The following SLC16A14 variants were observed in gnomAD, a reference collection of about 807,000 sequenced individuals.
SLC16A14 encodes monocarboxylate transporter 14.
Under a neutral mutation model 35.8 loss-of-function variants are expected in SLC16A14, and 14 were observed. The ratio of observed to expected loss-of-function variants is 0.39; its 90% CI spans 0.26 to 0.61. The LOEUF is 0.61. Among genes scored for constraint, SLC16A14 ranks in the 20% least tolerant of loss-of-function variants. SLC16A14 has a pLI of 0.51. For missense variants in SLC16A14, 533 were observed against 655.0 expected (o/e 0.81, Z 2.03); for synonymous variants, 248 against 258.9 (o/e 0.96, Z 0.40).
chr2:230,067,090 G>C (rs966908639), intron 1 of SLC16A14: 5 of 164,030 alleles, frequency 3.0e-5, no homozygotes, highest in African/African-American at 1.2e-4. Flanking sequence ...AGGTGAGTGC[G>C]GGCTTCACCT....
At position 230,038,963 on chromosome 2, in the gene SLC16A14, G is replaced by A. The variant is rs2106239566; in HGVS notation, c.1382-1432C>T. On this transcript the variant is annotated intron_variant, in intron 4 of 4. Transcript: ENST00000295190. The surrounding 1 kb of genome is among the most constrained non-coding windows in gnomAD (Gnocchi z 4.4). ...TTATGATCAAACATAGTATTCCGTGGCCACTTTTCAGAAACATCTTTAAAA... is the reference window on the plus strand; with the variant it reads ...TTATGATCAAACATAGTATTCCGTGACCACTTTTCAGAAACATCTTTAAAA... Among the ~76,000 whole-genome samples the A allele has an allele frequency of 6.6e-6, 1 of 152,068 alleles. No individual in the cohort carries two copies. The highest frequency in any genetic ancestry group is 2.1e-4 in the South Asian group (1 of 4,820).
chr2:230,046,853 A>G lies in SLC16A14; in HGVS notation c.404-131T>C, dbSNP rs2077613006. 9.1e-7 allele frequency: 1 copy of G among 1,094,570 alleles called. No homozygotes were observed. The highest frequency in any genetic ancestry group is 1.2e-6 in the Non-Finnish European group (1 of 803,234). The allele number at this position is 1,094,570 out of a possible 1,614,324, so 67.8% of individuals were successfully genotyped here. A position where few individuals can be genotyped will look rare whatever the true frequency, so the allele number is the denominator to read the frequency against. On this transcript the variant is annotated intron_variant, in intron 3 of 4. Transcript: ENST00000295190. The surrounding 1 kb of genome is among the most constrained non-coding windows in gnomAD (Gnocchi z 5.0). Reference sequence around the variant, plus strand: ...TGCTTTTTATTTCTAACAAAGCAATAACACTGATTATTTAAAAAGCAGCTC... The same window carrying G: ...TGCTTTTTATTTCTAACAAAGCAATGACACTGATTATTTAAAAAGCAGCTC...
At chr2:230,055,234 A>C (rs965057068) in intron 2 of SLC16A14, among the ~76,000 whole-genome samples, 3 of 151,840 alleles carry the variant, frequency 2.0e-5, no homozygotes, top group African/African-American at 7.3e-5. Context: ...GATCATGTAC[A>C]TTAACGTGCA....
intron 1 of SLC16A14, among the ~76,000 whole-genome samples, chr2:230,067,476 C>A (rs1221046652): frequency 1.3e-5 from 2 of 151,986 alleles, no homozygotes; most frequent in Non-Finnish European, 2.9e-5. Flanking sequence ...CCCAGGCCTG[C>A]AGGATCCCAA....
In SLC16A14 at chr2:230,045,833, G is replaced by A; in HGVS notation, c.1293C>T (p.Asp431=). ...YFSLMPVVTE[D]LVGIEHLANA... ...TGGCCAGGTGTTCAATGCCAACCAA[G>A]TCTTCAGTCACTACGGGCATTAGGG... is the stretch of plus-strand genomic sequence containing the variant. Residue 431 remains aspartate (D), a synonymous_variant, in exon 4 of 5, where the codon GAC becomes GAT. Coordinates refer to ENST00000295190, the MANE Select transcript of SLC16A14 (RefSeq NM_152527.5). 2.5e-6 allele frequency: 4 copies of A among 1,614,196 alleles called. No individual in the cohort carries two copies. The highest frequency in any genetic ancestry group is 3.4e-6 in the Non-Finnish European group (4 of 1,180,050).
chr2:230,068,524 G>T lies in SLC16A14; in HGVS notation c.-15+31C>A, dbSNP rs1317678685. 2 of 152,652 alleles carry T rather than the reference G, an allele frequency of 1.3e-5. No homozygotes were observed. Among genetic ancestry groups the T allele is most frequent in the African/African-American group, 4.8e-5 (2 of 41,416 alleles). The allele number at this position is 152,652 out of a possible 1,614,324, so 9.5% of individuals were successfully genotyped here. On this transcript the variant is annotated intron_variant, in intron 1 of 4. Coordinates refer to ENST00000295190, the MANE Select transcript of SLC16A14 (RefSeq NM_152527.5). The surrounding 1 kb of genome is among the most constrained non-coding windows in gnomAD (Gnocchi z 5.1). ...CCCCCGGCGTCGCTCCATTCCCCAGGCCCGCGGCGCGCGCGGCCTCGGATA... is the reference window on the plus strand; with the variant it reads ...CCCCCGGCGTCGCTCCATTCCCCAGTCCCGCGGCGCGCGCGGCCTCGGATA...
intron 2 of SLC16A14, among the ~76,000 whole-genome samples, chr2:230,053,998 A>G (rs1159142868): frequency 6.6e-6 from 1 of 151,710 alleles, no homozygotes; most frequent in African/African-American, 2.4e-5. Context: ...AAATCAATGA[A>G]CTGTTTGCCT....
rs1452545823 is a variant in SLC16A14, at chr2:230,068,542, C to G, written c.-15+13G>C. 3 of 152,798 alleles carry G rather than the reference C, an allele frequency of 2.0e-5. No homozygotes were observed. Among genetic ancestry groups the G allele is most frequent in the Non-Finnish European group, 2.9e-5 (2 of 68,168 alleles). 9.5% of individuals were successfully genotyped at this position (152,798 alleles called of 1,614,324 possible). A position where few individuals can be genotyped will look rare whatever the true frequency, so the allele number is the denominator to read the frequency against. On this transcript the variant is annotated intron_variant, in intron 1 of 4. Transcript: ENST00000295190. This position sits in a 1 kb window ranked among gnomAD's most constrained non-coding sequence, Gnocchi z 5.1. The stretch of plus-strand genomic sequence containing the variant: ...TCCCCAGGCCCGCGGCGCGCGCGGC[C>G]TCGGATACTCACCGCCCGAGGCCCG...
In SLC16A14 at chr2:230,059,345, G is replaced by A. The variant is rs760322266; in HGVS notation, c.8C>T (p.Thr3Ile). Reference protein sequence around the residue: MYTSHEDIGYDFE... With the variant: MYISHEDIGYDFE... Reference sequence around the variant, plus strand: ...ATCATACCCAATATCTTCATGACTGGTATACATTTTCCAAGATTTTTCTGA... The same window carrying A: ...ATCATACCCAATATCTTCATGACTGATATACATTTTCCAAGATTTTTCTGA... The change falls in exon 2 of 5, where the codon ACC (threonine) becomes ATC (isoleucine). Residue 3 changes from threonine (T) to isoleucine (I), a missense_variant. Physicochemically the swap from Thr to Ile is moderately conservative, Grantham distance 89. Transcript: ENST00000295190. The A allele has an allele frequency of 1.3e-6, 2 of 1,559,222 alleles. No individual in the cohort carries two copies. The highest frequency in any genetic ancestry group is 2.4e-5 in the South Asian group (2 of 84,014).
chr2:230,049,051 C>CA (rs2077634170), intron 3 of SLC16A14, among the ~76,000 whole-genome samples: 1 of 83,666 alleles, frequency 1.2e-5, no homozygotes, highest in African/African-American at 4.5e-5. Flanking sequence ...ACACAGGAGG[C>CA]TTTATTATTA....
Position 230,035,540 on chromosome 2 carries a change from A to G in SLC16A14, c.*1840T>C, listed in dbSNP as rs1051970192. On this transcript the variant is annotated 3_prime_UTR_variant, in exon 5 of 5. Coordinates refer to ENST00000295190, the MANE Select transcript of SLC16A14 (RefSeq NM_152527.5). Reference sequence around the variant, plus strand: ...TGGTAAATTACACAGAGAGAGATAGAGGAGGGAGCATTGCCTCAGCTTTAA... The same window carrying G: ...TGGTAAATTACACAGAGAGAGATAGGGGAGGGAGCATTGCCTCAGCTTTAA... 5.2e-5 allele frequency: 8 copies of G among 152,604 alleles called. No homozygotes were observed. The highest frequency in any genetic ancestry group is 8.8e-5 in the Non-Finnish European group (6 of 68,036). The allele number at this position is 152,604 out of a possible 1,614,324, so 9.5% of individuals were successfully genotyped here. A position where few individuals can be genotyped will look rare whatever the true frequency, so the allele number is the denominator to read the frequency against.
chr2:230,044,206 G>A (rs2077581970), intron 4 of SLC16A14, among the ~76,000 whole-genome samples: 1 of 151,652 alleles, frequency 6.6e-6, no homozygotes, highest in Admixed American at 6.6e-5. Flanking sequence ...GGGCATGGTG[G>A]CTCATGCCTG....
intron 2 of SLC16A14, 127 bp from the exon 3 acceptor site, chr2:230,050,031 T>A: frequency 9.4e-7 from 1 of 1,060,404 alleles, no homozygotes; most frequent in Non-Finnish European, 1.3e-6. Context: ...AAAGCCCCCA[T>A]TGCTTTATAT....
chr2:230,064,320 G>A (rs983950030), intron 1 of SLC16A14, among the ~76,000 whole-genome samples: 1 of 150,186 alleles, frequency 6.7e-6, no homozygotes, highest in African/African-American at 2.4e-5. Context: ...GTGTATGTGT[G>A]TGTGTGTGTG....
At chr2:230,045,592 G>T in intron 4 of SLC16A14, 153 bp downstream of exon 4, 4 of 858,824 alleles carry the variant, frequency 4.7e-6, no homozygotes, top group Non-Finnish European at 7.3e-6. Flanking sequence ...GCTTTAACTT[G>T]CTAAAATGTA....
rs2077823735 is a variant in SLC16A14 at position 230,068,578 on chromosome 2, G to C, written c.-38C>G. The C allele has an allele frequency of 6.5e-6, 1 of 152,932 alleles. No homozygotes were observed. Among genetic ancestry groups the C allele is most frequent in the Non-Finnish European group, 1.5e-5 (1 of 68,208 alleles). The allele number at this position is 152,932 out of a possible 1,614,324, so 9.5% of individuals were successfully genotyped here. A position where few individuals can be genotyped will look rare whatever the true frequency, so the allele number is the denominator to read the frequency against. ...ACCGCCCGAGGCCCGCTGGGCTGCG[G>C]CCTCACTCGGCTCCACGCCCGGATC... On this transcript the variant is annotated 5_prime_UTR_variant, in exon 1 of 5. Coordinates refer to ENST00000295190, the MANE Select transcript of SLC16A14 (RefSeq NM_152527.5). This position sits in a 1 kb window ranked among gnomAD's most constrained non-coding sequence, Gnocchi z 5.1.
intron 2 of SLC16A14, among the ~76,000 whole-genome samples, chr2:230,050,994 A>T (rs755187120): frequency 2.0e-5 from 3 of 151,808 alleles, no homozygotes; most frequent in Admixed American, 1.3e-4. Context: ...CTTCATACAG[A>T]CTCCCATCCC....
intron 1 of SLC16A14, among the ~76,000 whole-genome samples, chr2:230,060,391 T>A (rs2077741950): frequency 6.6e-6 from 1 of 152,210 alleles, no homozygotes. Context: ...TCACCCAGGC[T>A]GGAGTGCAGT....
At chr2:230,044,714 GTGTGTGTGTGTGTGTGTGTGTGTA>G (rs1277681817) in intron 4 of SLC16A14, among the ~76,000 whole-genome samples, 41 of 105,350 alleles carry the variant, frequency 3.9e-4, no homozygotes, top group African/African-American at 1.4e-3. Flanking sequence ...TTGTGTGTGT[GTGTGTGTGTGTGTGTGTGTGTGTA>G]TGTGTGTGTG....
Sources: allele counts gnomAD v4.1 joint callset (sites outside exome capture counted in the v4.1 genomes callset), GRCh38; gene constraint gnomAD v4.1.1; non-coding constraint Gnocchi (gnomAD v3.1); transcripts MANE v1.5; gene names NCBI Gene and HGNC (gene_info 2026-07-23, HGNC 2026-07-21).